The following SNX18 variants were observed in gnomAD, a reference collection of about 807,000 sequenced individuals.
SNX18 encodes the protein sorting nexin-18.
SNX18 carries 35 observed loss-of-function variants against 48.7 expected under a neutral mutation model. The ratio of observed to expected loss-of-function variants is 0.72; its 90% CI spans 0.55 to 0.95. The LOEUF is 0.95. Among genes scored for constraint, SNX18 ranks in the 40% least tolerant of loss-of-function variants. The pLI, the probability that SNX18 is intolerant of heterozygous loss-of-function variation, is 0.00. For missense variants in SNX18, 824 were observed against 871.0 expected (o/e 0.95, Z 0.68); for synonymous variants, 492 against 384.7 (o/e 1.28, Z -3.26).
At chr5:54,535,606 C>T (rs1282476453) in intron 1 of SNX18, among the ~76,000 whole-genome samples, 7 of 152,224 alleles carry the variant, frequency 4.6e-5, no homozygotes, top group Middle Eastern at 3.4e-3. Flanking sequence ...TAATAGGTCT[C>T]CTGAATGAGG....
the SNX18 span, among the ~76,000 whole-genome samples, chr5:54,592,079 T>G: frequency 6.6e-6 from 1 of 152,226 alleles, no homozygotes; most frequent in African/African-American, 2.4e-5. Flanking sequence ...ACAAATGTGA[T>G]GGCAACATAT....
downstream of SNX18, among the ~76,000 whole-genome samples, chr5:54,550,469 A>G (rs557028788): frequency 7.1e-4 from 108 of 152,358 alleles, no homozygotes; most frequent in African/African-American, 2.6e-3. Context: ...GAAGCTCTTC[A>G]TATACCAATA....
the SNX18 span, among the ~76,000 whole-genome samples, chr5:54,568,130 C>G: frequency 6.6e-6 from 1 of 152,160 alleles, no homozygotes; most frequent in Admixed American, 6.5e-5. Flanking sequence ...GTTATGGCCT[C>G]GCTTCTCCCC....
At chr5:54,563,455 C>T in the SNX18 span, among the ~76,000 whole-genome samples, 1 of 152,196 alleles carries the variant, frequency 6.6e-6, no homozygotes, top group African/African-American at 2.4e-5. Context: ...AGTACAGTAA[C>T]ATGCTGCACA....
chr5:54,525,028 C>T (rs958869354), intron 1 of SNX18, among the ~76,000 whole-genome samples: 15 of 152,222 alleles, frequency 9.9e-5, no homozygotes, highest in African/African-American at 3.6e-4. Flanking sequence ...AGAGCCTCAT[C>T]GCAGTGGGAG....
the SNX18 span, among the ~76,000 whole-genome samples, chr5:54,552,850 AAGC>A: frequency 1.3e-5 from 2 of 151,164 alleles, no homozygotes. Context: ...GGAAAAAACT[AAGC>A]GGGGAGGAGG....
At chr5:54,620,312 A>G in the SNX18 span, among the ~76,000 whole-genome samples, 27 of 152,150 alleles carry the variant, frequency 1.8e-4, no homozygotes. Flanking sequence ...GGAAGGAAGC[A>G]GCTACCAGAA....
chr5:54,621,665 G>C, the SNX18 span, among the ~76,000 whole-genome samples: 1 of 152,076 alleles, frequency 6.6e-6, no homozygotes, highest in African/African-American at 2.4e-5. Flanking sequence ...AGAAAAACGA[G>C]AAAGTGCAAT....
At chr5:54,578,135 A>C in the SNX18 span, among the ~76,000 whole-genome samples, 5 of 152,306 alleles carry the variant, frequency 3.3e-5, no homozygotes, top group South Asian at 6.2e-4. Context: ...GGTGAGCTCC[A>C]TGAACACAAC....
intron 1 of SNX18, among the ~76,000 whole-genome samples, chr5:54,541,266 G>C (rs1434844951): frequency 1.3e-5 from 2 of 152,084 alleles, no homozygotes; most frequent in Non-Finnish European, 2.9e-5. Flanking sequence ...GACCTCAGGT[G>C]ATCCACCCAC....
the SNX18 span, among the ~76,000 whole-genome samples, chr5:54,610,759 T>G: frequency 6.6e-6 from 1 of 152,148 alleles, no homozygotes; most frequent in African/African-American, 2.4e-5. Flanking sequence ...GTTGAAGTAA[T>G]TAGGAGGGTG....
chr5:54,538,933 GA>G (rs1468747542), intron 1 of SNX18, among the ~76,000 whole-genome samples: 1 of 152,078 alleles, frequency 6.6e-6, no homozygotes, highest in African/African-American at 2.4e-5. Context: ...CAATTTTATG[GA>G]GACATAATCT....
the SNX18 span, among the ~76,000 whole-genome samples, chr5:54,616,448 C>A: frequency 6.6e-5 from 10 of 152,254 alleles, no homozygotes; most frequent in Admixed American, 6.5e-4. Flanking sequence ...AAAACCACAT[C>A]CCAATTTCAA....
intron 1 of SNX18, among the ~76,000 whole-genome samples, chr5:54,541,214 G>A (rs1036765168): frequency 4.6e-5 from 7 of 151,914 alleles, no homozygotes; most frequent in African/African-American, 1.7e-4. Flanking sequence ...TTTTAGTAGA[G>A]ACAGGGTTTC....
the SNX18 span, among the ~76,000 whole-genome samples, chr5:54,639,298 T>A: frequency 0.74 from 111,401 of 151,270 alleles, 41,986 homozygotes; most frequent in African/African-American, 0.91. Context: ...TAAAAAAAAA[T>A]TTTTCAGAAA....
At chr5:54,525,639 TCTC>T (rs1181094327) in intron 1 of SNX18, among the ~76,000 whole-genome samples, 1 of 152,164 alleles carries the variant, frequency 6.6e-6, no homozygotes, top group Non-Finnish European at 1.5e-5. Context: ...ATGTAAACTG[TCTC>T]CTCCTGGCTC....
the SNX18 span, among the ~76,000 whole-genome samples, chr5:54,610,842 ACAGT>A: frequency 6.6e-6 from 1 of 152,242 alleles, no homozygotes; most frequent in African/African-American, 2.4e-5. Context: ...CGTTAAGAGC[ACAGT>A]CAGTTAGTAG....
the SNX18 span, among the ~76,000 whole-genome samples, chr5:54,557,599 G>A: frequency 6.6e-6 from 1 of 152,164 alleles, no homozygotes; most frequent in South Asian, 2.1e-4. Context: ...AAATATAATG[G>A]TGGTTGCCCC....
chr5:54,593,457 G>C, the SNX18 span, among the ~76,000 whole-genome samples: 1 of 152,104 alleles, frequency 6.6e-6, no homozygotes, highest in East Asian at 1.9e-4. Context: ...ATATTGTTAA[G>C]ACATTAATTA....
Sources: allele counts gnomAD v4.1 joint callset (sites outside exome capture counted in the v4.1 genomes callset), GRCh38; gene constraint gnomAD v4.1.1; transcripts MANE v1.5; gene names NCBI Gene and HGNC (gene_info 2026-07-23, HGNC 2026-07-21).